The following TCF4 variants were observed in gnomAD, a reference collection of about 807,000 sequenced individuals.
TCF4 encodes the protein transcription factor 4, also known as SL3-3 enhancer factor 2.
Under a neutral mutation model 82.1 loss-of-function variants are expected in TCF4, and 3 were observed. That is an observed-to-expected ratio of 0.04 (90% confidence interval 0.02 to 0.09). The LOEUF (loss-of-function observed/expected upper bound fraction) is 0.09. Ranked by LOEUF, TCF4 falls within the 10% of genes least tolerant of loss-of-function variation. The pLI is 1.00. For synonymous variants in TCF4, 276 were observed against 309.6 expected (o/e 0.89, Z 1.14); for missense variants, 518 against 852.7 (o/e 0.61, Z 4.89).
chr18:55,257,956 T>A (rs2057240340), intron 13 of TCF4, among the ~76,000 whole-genome samples: 1 of 152,194 alleles, frequency 6.6e-6, no homozygotes, highest in South Asian at 2.1e-4. Context: ...TTTTTATGAT[T>A]CATTAAACTT....
chr18:55,634,243 T>A (rs2148009143), intron 1 of TCF4, among the ~76,000 whole-genome samples: 1 of 151,884 alleles, frequency 6.6e-6, no homozygotes, highest in East Asian at 1.9e-4. Context: ...CACTCCAGCC[T>A]GGGGCAACAG....
chr18:55,579,080 A>AATAT lies in TCF4; in HGVS notation c.145+6196_145+6199dup, dbSNP rs778393636. The stretch of plus-strand genomic sequence containing the variant: ...TCACTATTCCTGCAAGTCTAATATA[A>AATAT]ATATATATATATATATTTACCTATA... On this transcript the variant is annotated intron_variant, in intron 3 of 19. Coordinates refer to ENST00000354452, the MANE Select transcript of TCF4 (RefSeq NM_001083962.2). 2.2e-4 allele frequency among the ~76,000 whole-genome samples: 32 copies of AATAT among 148,804 alleles called. No individual in the cohort carries two copies. The South Asian group carries it at 2.5e-3, about 12-fold the overall frequency.
intron 6 of TCF4, among the ~76,000 whole-genome samples, chr18:55,399,908 AC>A (rs2093718348): frequency 6.7e-6 from 1 of 150,298 alleles, no homozygotes; most frequent in African/African-American, 2.5e-5. Flanking sequence ...ACACACACAC[AC>A]ACACACACAC....
intron 3 of TCF4, among the ~76,000 whole-genome samples, chr18:55,507,226 CAT>C (rs1270130806): frequency 2.0e-5 from 3 of 152,122 alleles, no homozygotes; most frequent in African/African-American, 7.2e-5. Context: ...TTTCTTTTGG[CAT>C]ATCTGAATTG....
At chr18:55,352,288 A>G (rs1470222096) in intron 6 of TCF4, among the ~76,000 whole-genome samples, 1 of 152,172 alleles carries the variant, frequency 6.6e-6, no homozygotes, top group Non-Finnish European at 1.5e-5. Context: ...AGTTGGTCAA[A>G]TATGACCCAT....
At position 55,528,695 on chromosome 18, in the gene TCF4, A is replaced by AC. The variant is rs2097021671; in HGVS notation, c.145+56584dup. 4.6e-5 allele frequency among the ~76,000 whole-genome samples: 7 copies of AC among 152,320 alleles called. 1 individual carries two copies. In the South Asian group the frequency reaches 1.5e-3, roughly 32 times the overall value. On this transcript the variant is annotated intron_variant, in intron 3 of 19. Coordinates refer to ENST00000354452, the MANE Select transcript of TCF4 (RefSeq NM_001083962.2). Reference sequence around the variant, plus strand: ...CACTAGTGTCATTAAAGGAAAGCTGACCCTAAGCTACGTTTCTCCAAGGAA... The same window carrying AC: ...CACTAGTGTCATTAAAGGAAAGCTGACCCCTAAGCTACGTTTCTCCAAGGAA...
At chr18:55,375,891 A>G (rs1287295887) in intron 6 of TCF4, among the ~76,000 whole-genome samples, 2 of 152,096 alleles carry the variant, frequency 1.3e-5, no homozygotes, top group Admixed American at 1.3e-4. Flanking sequence ...TCCTAAGTAG[A>G]AAGGTTCTAT....
chr18:55,284,135 AG>A (rs1341963097), intron 8 of TCF4, among the ~76,000 whole-genome samples: 28 of 152,162 alleles, frequency 1.8e-4, no homozygotes, highest in African/African-American at 5.3e-4. Context: ...AATATCGGCC[AG>A]GAACGGTGGC....
At chr18:55,582,310 T>A (rs2097583430) in intron 3 of TCF4, among the ~76,000 whole-genome samples, 1 of 152,108 alleles carries the variant, frequency 6.6e-6, no homozygotes, top group East Asian at 1.9e-4. Flanking sequence ...GGATATTAAA[T>A]CCCTTTGTTT....
intron 5 of TCF4, among the ~76,000 whole-genome samples, chr18:55,434,498 C>T (rs996714073): frequency 6.7e-6 from 1 of 148,272 alleles, no homozygotes; most frequent in African/African-American, 2.5e-5. Context: ...CGGCTCACTG[C>T]AAGCTCCGCC....
intron 2 of TCF4, among the ~76,000 whole-genome samples, chr18:55,621,963 CTA>C (rs1568501829): frequency 2.5e-5 from 3 of 120,158 alleles, no homozygotes; most frequent in Non-Finnish European, 4.8e-5. Context: ...TATATATACA[CTA>C]TATATTATAT....
At chr18:55,309,619 C>T (rs1446985866) in intron 8 of TCF4, among the ~76,000 whole-genome samples, 3 of 152,156 alleles carry the variant, frequency 2.0e-5, no homozygotes, top group African/African-American at 7.2e-5. Context: ...TTAATTATTG[C>T]TACAATATTT....
intron 8 of TCF4, among the ~76,000 whole-genome samples, chr18:55,346,421 C>T (rs2081196197): frequency 6.6e-6 from 1 of 152,128 alleles, no homozygotes; most frequent in Admixed American, 6.5e-5. Context: ...TTAAAGTTTG[C>T]CAGGTCCTCC....
intron 3 of TCF4, among the ~76,000 whole-genome samples, chr18:55,530,058 C>A (rs2146691716): frequency 6.6e-6 from 1 of 152,292 alleles, no homozygotes; most frequent in South Asian, 2.1e-4. Context: ...CTAGGCTGCA[C>A]AAGACTGTGT....
intron 8 of TCF4, among the ~76,000 whole-genome samples, chr18:55,347,221 G>A (rs531073105): frequency 6.6e-6 from 1 of 152,192 alleles, no homozygotes; most frequent in South Asian, 2.1e-4. Flanking sequence ...ACGAGAAATT[G>A]GGACGTGACT....
chr18:55,427,507 T>C (rs2095038541), intron 5 of TCF4, among the ~76,000 whole-genome samples: 1 of 152,246 alleles, frequency 6.6e-6, no homozygotes, highest in Non-Finnish European at 1.5e-5. Context: ...GTTTGAATCC[T>C]AGCTCCAAAC....
chr18:55,461,899 G>A (rs763769594), intron 4 of TCF4, among the ~76,000 whole-genome samples: 3 of 152,072 alleles, frequency 2.0e-5, no homozygotes, highest in East Asian at 3.8e-4. Flanking sequence ...ATTTGATAAC[G>A]CAATAGGAAA....
At chr18:55,614,227 T>C (rs995513285) in intron 2 of TCF4, among the ~76,000 whole-genome samples, 9 of 152,220 alleles carry the variant, frequency 5.9e-5, no homozygotes, top group Admixed American at 4.6e-4. Flanking sequence ...GCTGTGAACA[T>C]TTGTACACGA....
chr18:55,310,285 A>T (rs2071899047), intron 8 of TCF4, among the ~76,000 whole-genome samples: 1 of 152,224 alleles, frequency 6.6e-6, no homozygotes, highest in Admixed American at 6.5e-5. Context: ...AAATGAAAGC[A>T]TATCTGTACA....
Sources: allele counts gnomAD v4.1 joint callset (sites outside exome capture counted in the v4.1 genomes callset), GRCh38; gene constraint gnomAD v4.1.1; transcripts MANE v1.5; gene names NCBI Gene and HGNC (gene_info 2026-07-23, HGNC 2026-07-21).